PIK3CB: variants seen among roughly 807,000 people sequenced by gnomAD.
PIK3CB encodes the protein phosphatidylinositol-4,5-bisphosphate 3-kinase catalytic subunit beta.
A neutral mutation model predicts 136.8 loss-of-function variants in PIK3CB; 39 were observed. That is an observed-to-expected ratio of 0.29 (90% CI 0.22 to 0.37). The LOEUF is 0.37. Among genes scored for constraint, PIK3CB ranks in the 10% least tolerant of loss-of-function variants. The probability of loss-of-function intolerance (pLI) is 1.00; values close to 1 mark genes in which losing one functional copy is unlikely to be tolerated. For synonymous variants in PIK3CB, 428 were observed against 436.6 expected (o/e 0.98, Z 0.25); for missense variants, 868 against 1,275.4 (o/e 0.68, Z 4.87).
rs56054471 is a variant in PIK3CB at position 138,700,692 on chromosome 3, AAGATAGATAGAT to A, written c.1582-1609_1582-1598del. On this transcript the variant is annotated intron_variant, in intron 12 of 23. Transcript: ENST00000674063. ...AACAGAGCAAGACCCTGACTCTAAAAAGATAGATAGATAGATAGATAGATAGATAGATAGATA... is the reference window on the plus strand; with the variant it reads ...AACAGAGCAAGACCCTGACTCTAAAAAGATAGATAGATAGATAGATAGATA... Among the ~76,000 whole-genome samples, 739 of 143,988 alleles carry A rather than the reference AAGATAGATAGAT, an allele frequency of 5.1e-3. 2 individuals are homozygous for A. The highest frequency in any genetic ancestry group is 0.011 in the African/African-American group (431 of 38,964). The allele number at this position is 143,988 out of a possible 152,430, so 94.5% of individuals were successfully genotyped here.
At chr3:138,695,097 T>C (rs1266321786) in intron 13 of PIK3CB, among the ~76,000 whole-genome samples, 190 bp from the exon 14 acceptor site, 4 of 152,188 alleles carry the variant, frequency 2.6e-5, no homozygotes, top group Non-Finnish European at 4.4e-5. Flanking sequence ...ATTCTATAGA[T>C]TAAGTCTGAA....
intron 13 of PIK3CB, among the ~76,000 whole-genome samples, chr3:138,696,446 A>G (rs1391805111): frequency 6.6e-6 from 1 of 152,124 alleles, no homozygotes; most frequent in Non-Finnish European, 1.5e-5. Context: ...TCTGCTTCCC[A>G]AAGTGCTGGG....
chr3:138,753,207 C>A (rs1014177268), intron 4 of PIK3CB, among the ~76,000 whole-genome samples: 1 of 151,238 alleles, frequency 6.6e-6, no homozygotes, highest in Non-Finnish European at 1.5e-5. Context: ...CAGGGCAAGA[C>A]CCTGTCTCAA....
chr3:138,822,086 C>A (rs1933583888), intron 1 of PIK3CB, among the ~76,000 whole-genome samples: 1 of 151,888 alleles, frequency 6.6e-6, no homozygotes, highest in South Asian at 2.1e-4. Flanking sequence ...TGCAGAGAGC[C>A]AAGATGGTTC....
chr3:138,731,513 A>C (rs1199651199), intron 8 of PIK3CB, among the ~76,000 whole-genome samples: 2 of 151,500 alleles, frequency 1.3e-5, no homozygotes, highest in Non-Finnish European at 1.5e-5. Context: ...TTGGCCTCCC[A>C]AAGTGCTAGG....
intron 8 of PIK3CB, 71 bp downstream of exon 8, chr3:138,733,290 T>C (rs1293362167): frequency 3.1e-6 from 2 of 642,224 alleles, no homozygotes; most frequent in Non-Finnish European, 5.6e-6. Context: ...CAATGTGACA[T>C]TATTGAGCAT....
At chr3:138,826,445 C>A in intron 1 of PIK3CB, 55 of 649,518 alleles carry the variant, frequency 8.5e-5, no homozygotes, top group East Asian at 2.3e-4. Flanking sequence ...TTAATGATAA[C>A]AATGCACTGT....
intron 2 of PIK3CB, among the ~76,000 whole-genome samples, chr3:138,786,769 TAA>T (rs2045986040): frequency 6.6e-6 from 1 of 152,238 alleles, no homozygotes; most frequent in Non-Finnish European, 1.5e-5. Context: ...TAACATGGTT[TAA>T]AAAACAGTAT....
At chr3:138,782,382 C>T (rs2045932212) in intron 2 of PIK3CB, among the ~76,000 whole-genome samples, 1 of 152,202 alleles carries the variant, frequency 6.6e-6, no homozygotes, top group Admixed American at 6.5e-5. Context: ...GATGGAAACA[C>T]TTTGCTTGTG....
At chr3:138,812,926 A>G (rs1322740857) in intron 1 of PIK3CB, among the ~76,000 whole-genome samples, 1 of 152,142 alleles carries the variant, frequency 6.6e-6, no homozygotes, top group Non-Finnish European at 1.5e-5. Context: ...CTAAATACAC[A>G]CTGAAATAAG....
At chr3:138,736,373 C>G (rs1432538202) in intron 6 of PIK3CB, among the ~76,000 whole-genome samples, 1 of 152,196 alleles carries the variant, frequency 6.6e-6, no homozygotes, top group Non-Finnish European at 1.5e-5. Context: ...TAATAAATTG[C>G]AGCTCCATAT....
intron 8 of PIK3CB, among the ~76,000 whole-genome samples, chr3:138,717,245 C>T (rs893190880): frequency 9.8e-5 from 14 of 142,240 alleles, no homozygotes; most frequent in East Asian, 6.1e-4. Flanking sequence ...CAGAGTGAGA[C>T]GCTGTCTCAA....
intron 1 of PIK3CB, among the ~76,000 whole-genome samples, chr3:138,799,634 G>C (rs1294779159): frequency 1.3e-5 from 2 of 151,710 alleles, no homozygotes; most frequent in African/African-American, 4.8e-5. Flanking sequence ...TATATGATCT[G>C]GTATCTGTCT....
At chr3:138,789,220 A>G (rs1272687651) in intron 2 of PIK3CB, among the ~76,000 whole-genome samples, 1 of 152,196 alleles carries the variant, frequency 6.6e-6, no homozygotes, top group Non-Finnish European at 1.5e-5. Flanking sequence ...GGTCCTTTGG[A>G]GGCCAAGGCA....
Position 138,735,197 on chromosome 3 carries a change from C to G in PIK3CB, c.802-393G>C, listed in dbSNP as rs150888829. Among the ~76,000 whole-genome samples, 1,436 of 152,052 alleles carry G rather than the reference C, an allele frequency of 9.4e-3. 15 individuals carry two copies. Among genetic ancestry groups the G allele is most frequent in the Non-Finnish European group, 0.011 (746 of 67,968 alleles). Reference sequence around the variant, plus strand: ...CTCCTGAGCTGAAGTGATCTGCCTACCTTGACCTCCCAAAGTGCTAGGATT... The same window carrying G: ...CTCCTGAGCTGAAGTGATCTGCCTAGCTTGACCTCCCAAAGTGCTAGGATT... On this transcript the variant is annotated intron_variant, in intron 6 of 23. Transcript: ENST00000674063.
intron 11 of PIK3CB, among the ~76,000 whole-genome samples, chr3:138,705,478 A>C (rs1291384223): frequency 1.3e-5 from 2 of 152,128 alleles, no homozygotes; most frequent in Non-Finnish European, 2.9e-5. Context: ...CCATATTTGA[A>C]ATTTATATTA....
rs375356845 is a variant in PIK3CB, at chr3:138,737,893, G to T, written c.622-7C>A. On this transcript the variant is annotated splice_polypyrimidine_tract_variant and splice_region_variant and intron_variant, in intron 5 of 23. Transcript: ENST00000674063. ...CTTGAAAGCTAAACACGTCCTGAAGGGGGAGGGAGATGGGGAAAAAAGCAG... is the reference window on the plus strand; with the variant it reads ...CTTGAAAGCTAAACACGTCCTGAAGTGGGAGGGAGATGGGGAAAAAAGCAG... 2 of 1,560,634 alleles carry T rather than the reference G, an allele frequency of 1.3e-6. No individual in the cohort carries two copies. Among genetic ancestry groups the T allele is most frequent in the South Asian group, 1.2e-5 (1 of 83,670 alleles).
intron 19 of PIK3CB, among the ~76,000 whole-genome samples, chr3:138,680,860 T>A (rs1002656893): frequency 4.6e-5 from 7 of 151,924 alleles, no homozygotes. Flanking sequence ...ACTAATTTTT[T>A]GTATTTTTAG....
intron 8 of PIK3CB, among the ~76,000 whole-genome samples, chr3:138,717,572 T>C (rs1012091821): frequency 6.6e-6 from 1 of 152,066 alleles, no homozygotes; most frequent in Non-Finnish European, 1.5e-5. Context: ...GGGGTACATG[T>C]GAAGGTTCGT....
Sources: allele counts gnomAD v4.1 joint callset (sites outside exome capture counted in the v4.1 genomes callset), GRCh38; gene constraint gnomAD v4.1.1; transcripts MANE v1.5; gene names NCBI Gene and HGNC (gene_info 2026-07-23, HGNC 2026-07-21).